CSMD1: variants seen among roughly 807,000 people sequenced by gnomAD.
The protein encoded by CSMD1 is CUB and Sushi multiple domains 1.
CSMD1 carries 213 observed loss-of-function variants against 417.5 expected under a neutral mutation model. The observed-to-expected ratio is 0.51, with a 90% CI of 0.46 to 0.57. The LOEUF is 0.57. CSMD1 is among the 20% of genes least tolerant of loss of function. The probability of loss-of-function intolerance (pLI) is 0.00; values close to 1 mark genes in which losing one functional copy is unlikely to be tolerated. For missense variants in CSMD1, 6,923 were observed against 4,529.7 expected (o/e 1.53, Z -15.17); for synonymous variants, 2,862 against 1,736.8 (o/e 1.65, Z -16.11).
At chr8:3,994,184 T>G (rs1199222458) in intron 5 of CSMD1, among the ~76,000 whole-genome samples, 1 of 152,122 alleles carries the variant, frequency 6.6e-6, no homozygotes, top group African/African-American at 2.4e-5. Context: ...TTTATTTTCT[T>G]TTTCCTTACC....
intron 49 of CSMD1, among the ~76,000 whole-genome samples, chr8:3,078,221 T>G (rs984732388): frequency 3.3e-5 from 5 of 152,230 alleles, no homozygotes; most frequent in African/African-American, 1.2e-4. Flanking sequence ...GTCAAGGTCT[T>G]CATATCACTA....
chr8:4,843,894 T>A (rs769314182), intron 1 of CSMD1, among the ~76,000 whole-genome samples: 1 of 152,078 alleles, frequency 6.6e-6, no homozygotes, highest in Non-Finnish European at 1.5e-5. Flanking sequence ...ACACACCCAG[T>A]GAGCTCTTTT....
chr8:4,177,480 A>G (rs1048782046), intron 3 of CSMD1, among the ~76,000 whole-genome samples: 2 of 152,202 alleles, frequency 1.3e-5, no homozygotes, highest in East Asian at 1.9e-4. Context: ...AGAAAGTAGG[A>G]AAGATCCAAA....
rs575138587 is a variant in CSMD1 at position 3,478,840 on chromosome 8, G to A, written c.1449-10016C>T. Among the ~76,000 whole-genome samples, 4 of 152,268 alleles carry A rather than the reference G, an allele frequency of 2.6e-5. No homozygotes were observed. The South Asian group carries it at 8.3e-4, about 32-fold the overall frequency. ...TCTAAGAAGGCAGAACCTGCAAGAG[G>A]GATGCAGCTATATAAATGATCTCAC... On this transcript the variant is annotated intron_variant, in intron 11 of 69. Transcript: ENST00000635120.
At chr8:4,813,710 C>T (rs779971805) in intron 1 of CSMD1, among the ~76,000 whole-genome samples, 1 of 152,124 alleles carries the variant, frequency 6.6e-6, no homozygotes, top group Non-Finnish European at 1.5e-5. Flanking sequence ...CTCAGTAATT[C>T]AAGATGGAAA....
At chr8:3,505,384 G>T (rs1203511109) in intron 10 of CSMD1, among the ~76,000 whole-genome samples, 1 of 152,106 alleles carries the variant, frequency 6.6e-6, no homozygotes, top group Non-Finnish European at 1.5e-5. Flanking sequence ...GAAAGCAAAA[G>T]ATATTGAAGT....
intron 3 of CSMD1, among the ~76,000 whole-genome samples, chr8:4,263,109 T>C (rs1009021345): frequency 6.6e-6 from 1 of 152,162 alleles, no homozygotes; most frequent in East Asian, 1.9e-4. Flanking sequence ...AGCAGTATTA[T>C]TTCTTGTGGG....
chr8:3,541,173 T>C (rs1170450701), intron 10 of CSMD1, among the ~76,000 whole-genome samples: 1 of 152,162 alleles, frequency 6.6e-6, no homozygotes, highest in Non-Finnish European at 1.5e-5. Context: ...ATGTGGTAGA[T>C]ATACACCATG....
At chr8:3,295,828 T>G (rs1411709301) in intron 25 of CSMD1, among the ~76,000 whole-genome samples, 1 of 152,224 alleles carries the variant, frequency 6.6e-6, no homozygotes, top group African/African-American at 2.4e-5. Flanking sequence ...ACTCATAAAG[T>G]TGATCATCAT....
intron 1 of CSMD1, among the ~76,000 whole-genome samples, chr8:4,833,450 C>G (rs1024938213): frequency 6.6e-6 from 1 of 152,214 alleles, no homozygotes; most frequent in African/African-American, 2.4e-5. Flanking sequence ...TCACCTCTCA[C>G]TAGGACCCTA....
intron 52 of CSMD1, among the ~76,000 whole-genome samples, chr8:3,009,244 A>G (rs996049236): frequency 1.1e-4 from 17 of 152,246 alleles, no homozygotes; most frequent in Non-Finnish European, 1.6e-4. Context: ...TAGCAGGACA[A>G]ATACTAAATA....
chr8:4,620,606 G>C (rs542496872), intron 2 of CSMD1, among the ~76,000 whole-genome samples: 23 of 151,846 alleles, frequency 1.5e-4, no homozygotes, highest in African/African-American at 5.3e-4. Context: ...ATAGAAATAA[G>C]ACTGCTTGAA....
At chr8:4,234,701 G>A (rs1801941594) in intron 3 of CSMD1, among the ~76,000 whole-genome samples, 1 of 152,152 alleles carries the variant, frequency 6.6e-6, no homozygotes, top group African/African-American at 2.4e-5. Flanking sequence ...GAATGGTGTG[G>A]TGTACGGCCA....
chr8:4,584,465 G>C (rs958127284), intron 2 of CSMD1, among the ~76,000 whole-genome samples: 2 of 152,014 alleles, frequency 1.3e-5, no homozygotes, highest in Admixed American at 1.3e-4. Context: ...CGTGGCCGCC[G>C]GACTAAAGAA....
intron 3 of CSMD1, among the ~76,000 whole-genome samples, chr8:4,092,199 G>A (rs1485600387): frequency 6.6e-6 from 1 of 152,124 alleles, no homozygotes; most frequent in Non-Finnish European, 1.5e-5. Flanking sequence ...TAATAGACAT[G>A]TATTGATAAC....
At chr8:4,261,410 A>C (rs1371125194) in intron 3 of CSMD1, among the ~76,000 whole-genome samples, 1 of 152,162 alleles carries the variant, frequency 6.6e-6, no homozygotes, top group Admixed American at 6.6e-5. Context: ...GGGGCTGGGG[A>C]GAGGGGAAAT....
At chr8:3,894,956 T>C (rs774562914) in intron 5 of CSMD1, among the ~76,000 whole-genome samples, 1 of 152,160 alleles carries the variant, frequency 6.6e-6, no homozygotes, top group Non-Finnish European at 1.5e-5. Flanking sequence ...ATATGATGAA[T>C]AGGGTAATTA....
intron 68 of CSMD1, among the ~76,000 whole-genome samples, chr8:2,945,637 G>A (rs1053472970): frequency 3.9e-5 from 6 of 152,042 alleles, no homozygotes; most frequent in African/African-American, 1.4e-4. Context: ...ATTATCGTAC[G>A]AGGGTCTTCA....
rs942842224 is a variant in CSMD1, at chr8:2,978,711, T to C, written c.8467A>G (p.Ile2823Val). The part of the protein sequence containing the change: ...FPESFEYGMS[I>V]LYHCKKGFYL... Reference sequence around the variant, plus strand: ...AATCCCTTCTTGCAATGGTACAGGATACTCATTCCATACTCAAAACTCTCA... The same window carrying C: ...AATCCCTTCTTGCAATGGTACAGGACACTCATTCCATACTCAAAACTCTCA... Residue 2823 changes from isoleucine (I) to valine (V), a missense_variant, in exon 55 of 70, where the codon ATC (isoleucine) becomes GTC (valine). Ile to Val is a conservative substitution (Grantham distance 29, BLOSUM62 3). Transcript: ENST00000635120. The C allele has an allele frequency of 2.5e-6, 4 of 1,613,020 alleles. No individual in the cohort carries two copies. Among genetic ancestry groups the C allele is most frequent in the Non-Finnish European group, 3.4e-6 (4 of 1,179,596 alleles).
Sources: gnomAD v4.1 joint callset for allele counts (sites outside exome capture counted in the v4.1 genomes callset) on GRCh38, gnomAD v4.1.1 for gene constraint, MANE v1.5 for transcripts, NCBI Gene and HGNC (gene_info 2026-07-23, HGNC 2026-07-21) for gene names.